Variants in FBXL13 observed in about 807,000 individuals in gnomAD.
The protein encoded by FBXL13 is F-box and leucine rich repeat protein 13, also known as F-box and leucine-rich repeat protein 13.
In FBXL13, 67 loss-of-function variants were observed where a neutral mutation model predicts 83.6. The observed-to-expected ratio is 0.80, with a 90% CI of 0.66 to 0.98. The LOEUF (loss-of-function observed/expected upper bound fraction) is 0.98. Among genes scored for constraint, FBXL13 ranks in the 50% least tolerant of loss-of-function variants. The pLI, the probability that FBXL13 is intolerant of heterozygous loss-of-function variation, is 0.00. For missense variants in FBXL13, 822 were observed against 866.5 expected, an observed-to-expected ratio of 0.95 and a Z score of 0.64; for synonymous variants, 272 against 299.5, an observed-to-expected ratio of 0.91 and a Z score of 0.95.
intron 6 of FBXL13, among the ~76,000 whole-genome samples, chr7:102,981,053 T>C (rs1263297135): frequency 6.6e-6 from 1 of 152,186 alleles, no homozygotes; most frequent in Non-Finnish European, 1.5e-5. Flanking sequence ...AAAGGTATTA[T>C]GTTGGATCAG....
intron 6 of FBXL13, among the ~76,000 whole-genome samples, chr7:103,019,022 T>G (rs1792770364): frequency 1.3e-5 from 2 of 152,180 alleles, no homozygotes. Context: ...GAATATACAT[T>G]CTTCGCAGCA....
At chr7:102,820,338 G>A (rs1584426069) in intron 19 of FBXL13, among the ~76,000 whole-genome samples, 1 of 152,240 alleles carries the variant, frequency 6.6e-6, no homozygotes, top group African/African-American at 2.4e-5. Flanking sequence ...AGACAAAATA[G>A]GCCTTCGGCT....
Position 103,066,450 on chromosome 7 carries a change from G to A in FBXL13, c.-105+7796C>T, listed in dbSNP as rs556041369. Among the ~76,000 whole-genome samples the A allele has an allele frequency of 1.6e-3, 245 of 151,614 alleles. 2 individuals carry two copies. The South Asian group carries it at 0.027, about 17-fold the overall frequency. On this transcript the variant is annotated intron_variant, in intron 1 of 19. Transcript: ENST00000313221. ...TCTGTTGCCCAGGCTGGAATGTAGC[G>A]GTGCGATCTCGGCTCACTGCAAGCT...
intron 16 of FBXL13, among the ~76,000 whole-genome samples, chr7:102,875,823 C>G (rs938813086): frequency 3.9e-5 from 6 of 152,164 alleles, no homozygotes; most frequent in African/African-American, 1.4e-4. Flanking sequence ...AGCCCAGAGG[C>G]CGACTTCATT....
At chr7:102,874,342 T>C (rs927797336) in intron 16 of FBXL13, 20 of 985,330 alleles carry the variant, frequency 2.0e-5, no homozygotes, top group Non-Finnish European at 2.4e-5. Flanking sequence ...TCAGCTGTTG[T>C]AGCACTGTAA....
intron 6 of FBXL13, among the ~76,000 whole-genome samples, chr7:103,015,086 A>C (rs776000193): frequency 2.6e-5 from 4 of 152,166 alleles, no homozygotes; most frequent in Non-Finnish European, 4.4e-5. Context: ...ACAGAACTAA[A>C]AACAACCACA....
rs191127848 is a variant in FBXL13, at chr7:102,976,385, C to A, written c.496-8268G>T. On this transcript the variant is annotated intron_variant, in intron 6 of 19. Coordinates refer to ENST00000313221, the Ensembl canonical transcript of FBXL13. ...CCCCGCTCCACTTTTCTGCTCCCTG[C>A]ACACCTTTTCCTTCACTCACTCTTT... 1.6e-4 allele frequency among the ~76,000 whole-genome samples: 24 copies of A among 152,280 alleles called. No individual in the cohort carries two copies. In the East Asian group the frequency reaches 4.4e-3, roughly 28 times the overall value.
chr7:102,859,368 A>G (rs1363645118), intron 16 of FBXL13, among the ~76,000 whole-genome samples: 1 of 152,056 alleles, frequency 6.6e-6, no homozygotes, highest in Non-Finnish European at 1.5e-5. Flanking sequence ...GAAACACACT[A>G]TTTCAGGCAA....
At chr7:102,973,766 C>G (rs777140851) in intron 6 of FBXL13, 1 of 764,924 alleles carries the variant, frequency 1.3e-6, no homozygotes, top group South Asian at 1.3e-5. Flanking sequence ...CTGATCTCAC[C>G]TACTGGTAAG....
chr7:102,994,390 T>C (rs1051467520), intron 6 of FBXL13, among the ~76,000 whole-genome samples: 10 of 151,138 alleles, frequency 6.6e-5, no homozygotes, highest in African/African-American at 1.2e-4. Context: ...TCATGAAATA[T>C]TAATATATAT....
chr7:102,883,037 GGTAGCCT>G (rs1318612080), intron 14 of FBXL13, among the ~76,000 whole-genome samples: 1 of 151,856 alleles, frequency 6.6e-6, no homozygotes, highest in Non-Finnish European at 1.5e-5. Flanking sequence ...CAATAGGAAA[GGTAGCCT>G]GTAAGTATTC....
At chr7:103,005,639 C>T (rs1188716651) in intron 6 of FBXL13, among the ~76,000 whole-genome samples, 1 of 152,152 alleles carries the variant, frequency 6.6e-6, no homozygotes, top group African/African-American at 2.4e-5. Context: ...CCTCATATGG[C>T]AGAGAGAGAG....
chr7:103,003,334 C>T (rs1210374710), intron 6 of FBXL13, among the ~76,000 whole-genome samples: 1 of 129,032 alleles, frequency 7.8e-6, no homozygotes, highest in Non-Finnish European at 1.5e-5. Context: ...CTTGCCCAGG[C>T]TGGAGTGCAG....
chr7:102,933,576 A>T (rs1467014679), intron 8 of FBXL13: 1 of 173,344 alleles, frequency 5.8e-6, no homozygotes, highest in Non-Finnish European at 1.2e-5. Context: ...ACAGTTAAGC[A>T]GGTAAGAGAG....
chr7:103,070,252 GAC>G (rs1321450289), intron 1 of FBXL13, among the ~76,000 whole-genome samples: 3 of 151,868 alleles, frequency 2.0e-5, no homozygotes, highest in Admixed American at 6.6e-5. Context: ...TTTTTTTAGA[GAC>G]ACAGTCTCAC....
intron 9 of FBXL13, 82 bp from the exon 11 acceptor site, chr7:102,926,456 TCCTGTTC>T: frequency 9.5e-7 from 1 of 1,056,940 alleles, no homozygotes; most frequent in Admixed American, 2.6e-5. Flanking sequence ...TTATCCCTCT[TCCTGTTC>T]CAGAAAAAAA....
downstream of FBXL13, among the ~76,000 whole-genome samples, chr7:102,811,617 G>A (rs995199849): frequency 2.0e-5 from 3 of 152,198 alleles, no homozygotes; most frequent in Non-Finnish European, 2.9e-5. Flanking sequence ...GTTTCTTACC[G>A]GGGTCTAACC....
At chr7:102,821,036 A>AC in intron 19 of FBXL13, among the ~76,000 whole-genome samples, 1 of 152,242 alleles carries the variant, frequency 6.6e-6, no homozygotes, top group Non-Finnish European at 1.5e-5. Context: ...GATTGGCAAA[A>AC]TATAATCAAA....
rs776220490 is a variant in FBXL13 at position 102,835,603 on chromosome 7, GTTTTTT to G, written c.1720-2635_1720-2630del. On this transcript the variant is annotated intron_variant, in intron 17 of 19. Coordinates refer to ENST00000313221, the Ensembl canonical transcript of FBXL13. ...ATGTTGCAAGAAGTAAGGTGACATT[GTTTTTT>G]TTTTTTTTTTTTTTTTTTGAGACGG... Among the ~76,000 whole-genome samples the G allele has an allele frequency of 6.2e-5, 6 of 97,524 alleles. No individual in the cohort carries two copies. The East Asian group carries it at 1.6e-3, about 26-fold the overall frequency. The allele number at this position is 97,524 out of a possible 152,430, so 64.0% of individuals were successfully genotyped here.
Sources: allele counts gnomAD v4.1 joint callset (sites outside exome capture counted in the v4.1 genomes callset), GRCh38; gene constraint gnomAD v4.1.1; transcripts MANE v1.5; gene names NCBI Gene and HGNC (gene_info 2026-07-23, HGNC 2026-07-21).